The following TNIK variants were observed in gnomAD, a reference collection of about 807,000 sequenced individuals.
The protein encoded by TNIK is TRAF2 and NCK-interacting protein kinase.
A neutral mutation model predicts 191.3 loss-of-function variants in TNIK; 49 were observed. The ratio of observed to expected loss-of-function variants is 0.26; its 90% CI spans 0.20 to 0.32. TNIK has a LOEUF of 0.32. Ranked by LOEUF, TNIK falls within the 10% of genes least tolerant of loss-of-function variation. The pLI, the probability that TNIK is intolerant of heterozygous loss-of-function variation, is 1.00. For synonymous variants in TNIK, 594 were observed against 600.9 expected (o/e 0.99, Z 0.17); for missense variants, 1,155 against 1,702.3 (o/e 0.68, Z 5.66).
At chr3:171,168,055 C>A (rs895320732) in intron 9 of TNIK, among the ~76,000 whole-genome samples, 1 of 152,204 alleles carries the variant, frequency 6.6e-6, no homozygotes, top group African/African-American at 2.4e-5. Flanking sequence ...AAACCCCACG[C>A]CAGAGACCTG....
chr3:171,263,854 G>T (rs1018039508), intron 2 of TNIK, among the ~76,000 whole-genome samples: 2 of 151,854 alleles, frequency 1.3e-5, no homozygotes, highest in African/African-American at 4.8e-5. Context: ...AGGAGGTTAT[G>T]GAGGGCAGGG....
intron 26 of TNIK, 59 bp from the exon 27 acceptor site, chr3:171,082,453 G>T (rs376617632): frequency 6.4e-7 from 1 of 1,563,992 alleles, no homozygotes. Flanking sequence ...CTTCTGCATC[G>T]AGAGTCCCTA....
chr3:171,384,822 T>A (rs951808469), intron 1 of TNIK, among the ~76,000 whole-genome samples: 4 of 152,204 alleles, frequency 2.6e-5, no homozygotes, highest in African/African-American at 9.6e-5. Flanking sequence ...AATGACTTCA[T>A]CGTTTATAAT....
chr3:171,106,060 T>A (rs1724810465), intron 21 of TNIK, among the ~76,000 whole-genome samples: 1 of 152,152 alleles, frequency 6.6e-6, no homozygotes, highest in Non-Finnish European at 1.5e-5. Context: ...ACTATGATCA[T>A]AACTGTCTCG....
At chr3:171,221,574 T>G (rs1484420878) in intron 3 of TNIK, among the ~76,000 whole-genome samples, 1 of 152,172 alleles carries the variant, frequency 6.6e-6, no homozygotes, top group East Asian at 1.9e-4. Context: ...TGTCTTGTAC[T>G]AAAATATAAG....
intron 26 of TNIK, chr3:171,082,653 T>C: frequency 2.6e-6 from 1 of 383,528 alleles, no homozygotes; most frequent in Non-Finnish European, 4.6e-6. Context: ...AGAGAGTCCT[T>C]GTCAATAGGA....
intron 3 of TNIK, among the ~76,000 whole-genome samples, chr3:171,226,070 T>C (rs1486409717): frequency 6.6e-6 from 1 of 152,224 alleles, no homozygotes; most frequent in Non-Finnish European, 1.5e-5. Context: ...TAGAGACTGA[T>C]AGTATCTGAT....
chr3:171,450,483 T>C (rs1728038370), intron 1 of TNIK, among the ~76,000 whole-genome samples: 1 of 152,196 alleles, frequency 6.6e-6, no homozygotes, highest in South Asian at 2.1e-4. Context: ...GACCCAGCAC[T>C]GCATTCGAAT....
chr3:171,433,487 G>C (rs1444581684), intron 1 of TNIK, among the ~76,000 whole-genome samples: 1 of 152,144 alleles, frequency 6.6e-6, no homozygotes, highest in Non-Finnish European at 1.5e-5. Context: ...ACCTGAAACA[G>C]AGTGCTTATA....
At chr3:171,459,080 T>G (rs1204855601) in intron 1 of TNIK, among the ~76,000 whole-genome samples, 1 of 151,450 alleles carries the variant, frequency 6.6e-6, no homozygotes, top group South Asian at 2.1e-4. Context: ...AACAGCAAAA[T>G]GGATTCTATA....
intron 1 of TNIK, among the ~76,000 whole-genome samples, chr3:171,446,788 A>G (rs1373940236): frequency 1.3e-5 from 2 of 152,142 alleles, no homozygotes; most frequent in South Asian, 2.1e-4. Flanking sequence ...TTCTATGATC[A>G]TCACAGAGTC....
chr3:171,165,415 CA>C (rs35708323), intron 10 of TNIK, among the ~76,000 whole-genome samples: 11,255 of 72,774 alleles, frequency 0.15, 389 homozygotes, highest in Middle Eastern at 0.2. Context: ...GAACTCATCT[CA>C]AAAAAAAAAA....
chr3:171,274,908 C>T (rs1749538087), intron 2 of TNIK, among the ~76,000 whole-genome samples: 1 of 152,132 alleles, frequency 6.6e-6, no homozygotes, highest in African/African-American at 2.4e-5. Flanking sequence ...CCCAATTAAT[C>T]TTGCAAAACT....
chr3:171,404,097 G>C (rs1035810005), intron 1 of TNIK, among the ~76,000 whole-genome samples: 1 of 152,214 alleles, frequency 6.6e-6, no homozygotes, highest in Admixed American at 6.5e-5. Flanking sequence ...AAATAGTACT[G>C]GCTATGTACC....
At chr3:171,071,112 G>T in intron 29 of TNIK, 111 bp downstream of exon 29, 1 of 681,168 alleles carries the variant, frequency 1.5e-6, no homozygotes, top group Non-Finnish European at 2.3e-6. Context: ...TTTTAAAACA[G>T]GTTTATTATC....
intron 2 of TNIK, among the ~76,000 whole-genome samples, chr3:171,255,730 G>C (rs528084240): frequency 1.3e-5 from 2 of 152,312 alleles, no homozygotes; most frequent in Admixed American, 6.5e-5. Context: ...ACATTATCAG[G>C]TGTCATGGTT....
chr3:171,059,296 T>C lies in TNIK; in HGVS notation c.*4585A>G, dbSNP rs1244859202. 6.6e-6 allele frequency among the ~76,000 whole-genome samples: 1 copy of C among 152,306 alleles called. No individual in the cohort carries two copies. Among genetic ancestry groups the C allele is most frequent in the African/African-American group, 2.4e-5 (1 of 41,582 alleles). ...CCAAGATTTTGATCTAGATTTAAAA[T>C]AACTCAAACATTACCCAGGGATTTT... On this transcript the variant is annotated 3_prime_UTR_variant, in exon 33 of 33. Transcript: ENST00000436636.
chr3:171,162,687 C>T (rs1214530102), intron 10 of TNIK, among the ~76,000 whole-genome samples: 2 of 152,144 alleles, frequency 1.3e-5, no homozygotes, highest in Non-Finnish European at 2.9e-5. Context: ...TTACTCTGTT[C>T]TCTCATTTAT....
intron 3 of TNIK, among the ~76,000 whole-genome samples, chr3:171,224,888 G>A (rs918580990): frequency 1.3e-5 from 2 of 152,084 alleles, no homozygotes; most frequent in East Asian, 1.9e-4. Flanking sequence ...GCAAATGTTG[G>A]CAAATTTGGA....
Sources: allele counts gnomAD v4.1 joint callset (sites outside exome capture counted in the v4.1 genomes callset), GRCh38; gene constraint gnomAD v4.1.1; transcripts MANE v1.5; gene names NCBI Gene and HGNC (gene_info 2026-07-23, HGNC 2026-07-21).